Variants in IGF1R observed in about 807,000 individuals in gnomAD.
IGF1R encodes the protein insulin like growth factor 1 receptor.
In IGF1R, 44 loss-of-function variants were observed where a neutral mutation model predicts 144.6. That is an observed-to-expected ratio of 0.30 (90% CI 0.24 to 0.39). IGF1R has a LOEUF of 0.39. Among genes scored for constraint, IGF1R ranks in the 10% least tolerant of loss-of-function variants. The pLI is 1.00. For missense variants in IGF1R, 1,355 were observed against 1,833.7 expected (o/e 0.74, Z 4.77); for synonymous variants, 795 against 722.8 (o/e 1.10, Z -1.60).
At position 98,649,605 on chromosome 15, in the gene IGF1R, G is replaced by A. The variant is rs1477126522; in HGVS notation, c.24G>A (p.Gly8=). The A allele has an allele frequency of 1.2e-6, 2 of 1,606,430 alleles. No homozygotes were observed. The highest frequency in any genetic ancestry group is 2.2e-5 in the East Asian group (1 of 44,584). ...GAATGAAGTCTGGCTCCGGAGGAGG[G>A]TCCCCGACCTCGCTGTGGGGGCTCC... MKSGSGG[G]SPTSLWGLLF... Residue 8 remains glycine (G), a synonymous_variant, in exon 1 of 21, where the codon GGG becomes GGA. Transcript: ENST00000650285.
Position 98,922,498 on chromosome 15 carries a change from T to C in IGF1R, c.2485+67T>C, listed in dbSNP as rs532568947. The C allele has an allele frequency of 1.1e-5, 18 of 1,567,318 alleles. No individual in the cohort carries two copies. In the African/African-American group the frequency reaches 2.0e-4, roughly 18 times the overall value. On this transcript the variant is annotated intron_variant, in intron 11 of 20. Coordinates refer to ENST00000650285, the MANE Select transcript of IGF1R (RefSeq NM_000875.5). ...AACCTAGTGGAGAAGATGTGTTTTATGGACACAGGGTCTGACACCCAGGGC... is the reference window on the plus strand; with the variant it reads ...AACCTAGTGGAGAAGATGTGTTTTACGGACACAGGGTCTGACACCCAGGGC...
At chr15:98,778,733 C>T (rs2055781383) in intron 2 of IGF1R, among the ~76,000 whole-genome samples, 1 of 152,184 alleles carries the variant, frequency 6.6e-6, no homozygotes, top group African/African-American at 2.4e-5. Context: ...GCCACCTTCC[C>T]AGGGGCCTTG....
intron 4 of IGF1R, chr15:98,897,163 C>G (rs1422225916): frequency 2.0e-6 from 1 of 497,524 alleles, no homozygotes; most frequent in Admixed American, 3.2e-5. Context: ...TTGTTAGTCA[C>G]ATCTTGCATA....
intron 2 of IGF1R, among the ~76,000 whole-genome samples, chr15:98,715,454 C>T (rs1412259132): frequency 6.6e-6 from 1 of 152,206 alleles, no homozygotes; most frequent in Non-Finnish European, 1.5e-5. Flanking sequence ...GCCCCTTCAG[C>T]TCTCACCAGT....
In IGF1R at chr15:98,935,844, T is replaced by A. The variant is rs1333012293; in HGVS notation, c.3297+418T>A. On this transcript the variant is annotated intron_variant, in intron 17 of 20. Coordinates refer to ENST00000650285, the MANE Select transcript of IGF1R (RefSeq NM_000875.5). The surrounding 1 kb of genome is among the most constrained non-coding windows in gnomAD (Gnocchi z 4.2). ...CTCGTATGTGTTCTCTCTCGTTATG[T>A]TGTGTTGTGCTGTTGTTGGAGTGTG... Among the ~76,000 whole-genome samples, 1 of 152,194 alleles carries A rather than the reference T, an allele frequency of 6.6e-6. No individual in the cohort carries two copies. Among genetic ancestry groups the A allele is most frequent in the Non-Finnish European group, 1.5e-5 (1 of 68,036 alleles).
chr15:98,867,888 A>C (rs1402024005), intron 2 of IGF1R, among the ~76,000 whole-genome samples: 10 of 152,158 alleles, frequency 6.6e-5, no homozygotes, highest in Non-Finnish European at 2.9e-5. Flanking sequence ...CATAGCAGTA[A>C]AGTTTCCACT....
rs45500098 is a variant in IGF1R, at chr15:98,891,002, C to G, written c.641-323C>G. ...TGGCTGACCCACGCCTGAGGCAACC[C>G]TCAAATGTGGGTATTATCCCCCTCA... is the stretch of plus-strand genomic sequence containing the variant. On this transcript the variant is annotated intron_variant, in intron 2 of 20. Transcript: ENST00000650285. This position sits in a 1 kb window ranked among gnomAD's most constrained non-coding sequence, Gnocchi z 4.7. 5.1e-4 allele frequency among the ~76,000 whole-genome samples: 77 copies of G among 152,278 alleles called. 1 individual carries two copies. Among genetic ancestry groups the G allele is most frequent in the Non-Finnish European group, 6.6e-4 (45 of 68,016 alleles).
chr15:98,964,322 A>AGAT lies in IGF1R; in HGVS notation c.*6883_*6885dup, dbSNP rs2017343081. 4.3e-6 allele frequency: 1 copy of AGAT among 231,440 alleles called. No homozygotes were observed. The highest frequency in any genetic ancestry group is 5.6e-5 in the Admixed American group (1 of 17,734). 14.3% of individuals were successfully genotyped at this position (231,440 alleles called of 1,614,324 possible). On this transcript the variant is annotated 3_prime_UTR_variant, in exon 21 of 21. Coordinates refer to ENST00000650285, the MANE Select transcript of IGF1R (RefSeq NM_000875.5). ...AATCCTGTTTATATAAAAAATCAGTAGATGAAAAAAATTTCAAAATGTTTT... is the reference window on the plus strand; with the variant it reads ...AATCCTGTTTATATAAAAAATCAGTAGATGATGAAAAAAATTTCAAAATGTTTT...
At chr15:98,758,402 T>C (rs144053333) in intron 2 of IGF1R, among the ~76,000 whole-genome samples, 442 of 152,230 alleles carry the variant, frequency 2.9e-3, no homozygotes, top group Non-Finnish European at 5.2e-3. Context: ...TGGTTTTTCT[T>C]TGCTTGCCGA....
rs2052273840 is a variant in IGF1R, at chr15:98,649,155, G to T, written c.-427G>T. On this transcript the variant is annotated 5_prime_UTR_variant, in exon 1 of 21. Coordinates refer to ENST00000650285, the MANE Select transcript of IGF1R (RefSeq NM_000875.5). ...GAACTGCGTCGCGCCCTCCCGCGGC[G>T]GAAGCTCGGGCGTCCGGCCGCCTCC... is the stretch of plus-strand genomic sequence containing the variant. 4.6e-6 allele frequency: 1 copy of T among 219,394 alleles called. No homozygotes were observed. 13.6% of individuals were successfully genotyped at this position (219,394 alleles called of 1,614,324 possible). A position where few individuals can be genotyped will look rare whatever the true frequency, so the allele number is the denominator to read the frequency against.
At chr15:98,890,083 T>C in intron 2 of IGF1R, among the ~76,000 whole-genome samples, 1 of 151,156 alleles carries the variant, frequency 6.6e-6, no homozygotes, top group Non-Finnish European at 1.5e-5. Flanking sequence ...GATTTCACTT[T>C]AGCACACGAA....
intron 20 of IGF1R, among the ~76,000 whole-genome samples, chr15:98,951,246 C>G (rs1000488614): frequency 6.6e-6 from 1 of 152,242 alleles, no homozygotes; most frequent in African/African-American, 2.4e-5. Flanking sequence ...TGCCCTGGGC[C>G]TGGGCCAGTG....
At chr15:98,882,156 G>A (rs1219316651) in intron 2 of IGF1R, among the ~76,000 whole-genome samples, 1 of 152,202 alleles carries the variant, frequency 6.6e-6, no homozygotes, top group East Asian at 1.9e-4. Context: ...GGTCTAGGGC[G>A]TGTTGCGTGA....
chr15:98,703,287 A>G (rs533746972), intron 1 of IGF1R, among the ~76,000 whole-genome samples: 1 of 152,352 alleles, frequency 6.6e-6, no homozygotes, highest in South Asian at 2.1e-4. Context: ...ATCGGTGAGT[A>G]GCCACAAAGG....
At chr15:98,672,184 T>C (rs1299233546) in intron 1 of IGF1R, among the ~76,000 whole-genome samples, 2 of 152,224 alleles carry the variant, frequency 1.3e-5, no homozygotes, top group Non-Finnish European at 2.9e-5. Context: ...TTTATGATTC[T>C]TGCAACAAAG....
chr15:98,903,446 G>T (rs2014580611), intron 5 of IGF1R, among the ~76,000 whole-genome samples: 2 of 152,204 alleles, frequency 1.3e-5, no homozygotes, highest in South Asian at 4.1e-4. Context: ...GAGCTCAAAG[G>T]TCAGGCTGAA....
rs2052873698 is a variant in IGF1R at position 98,670,939 on chromosome 15, C to T, written c.94+21264C>T. 6.6e-5 allele frequency among the ~76,000 whole-genome samples: 10 copies of T among 152,228 alleles called. No homozygotes were observed. The South Asian group carries it at 2.1e-3, about 32-fold the overall frequency. On this transcript the variant is annotated intron_variant, in intron 1 of 20. Transcript: ENST00000650285. ...AATATTTCACAAGCTCCAGTAGCTT[C>T]CTGTTGTAGGGACCCTTAGGACTTT... is the stretch of plus-strand genomic sequence containing the variant.
chr15:98,689,401 G>T (rs537160220), intron 1 of IGF1R, among the ~76,000 whole-genome samples: 1 of 150,452 alleles, frequency 6.6e-6, no homozygotes, highest in East Asian at 2.0e-4. Context: ...ACCACACTTG[G>T]CTAATTTTTA....
intron 2 of IGF1R, among the ~76,000 whole-genome samples, chr15:98,804,991 C>T (rs376574832): frequency 2.6e-5 from 4 of 152,190 alleles, no homozygotes; most frequent in African/African-American, 4.8e-5. Flanking sequence ...CCGCCACTCC[C>T]GGCCGCTGCA....
Sources: gnomAD v4.1 joint callset for allele counts (sites outside exome capture counted in the v4.1 genomes callset) on GRCh38, gnomAD v4.1.1 for gene constraint, Gnocchi (gnomAD v3.1) non-coding constraint, MANE v1.5 for transcripts, NCBI Gene and HGNC (gene_info 2026-07-23, HGNC 2026-07-21) for gene names.